The following TMEM71 variants were observed in gnomAD, a reference collection of about 807,000 sequenced individuals.
TMEM71 encodes transmembrane protein 71.
Under a neutral mutation model 38.0 loss-of-function variants are expected in TMEM71, and 44 were observed. The ratio of observed to expected loss-of-function variants is 1.16; its 90% CI spans 0.91 to 1.49. The LOEUF (loss-of-function observed/expected upper bound fraction) is 1.49, where lower values mean the gene tolerates loss of function less well. Among genes scored for constraint, TMEM71 ranks in the 40% most tolerant of loss-of-function variants. The pLI is 0.00. For synonymous variants in TMEM71, 133 were observed against 122.5 expected, an observed-to-expected ratio of 1.09 and a Z score of -0.56; for missense variants, 367 against 348.6, an observed-to-expected ratio of 1.05 and a Z score of -0.42.
chr8:132,726,851 C>CTTTTTTTTTT (rs766951516), intron 6 of TMEM71, among the ~76,000 whole-genome samples: 3 of 147,948 alleles, frequency 2.0e-5, no homozygotes, highest in African/African-American at 7.6e-5. Flanking sequence ...TCTTCTTCTT[C>CTTTTTTTTTT]TTCTTTTTTT....
At chr8:132,753,835 A>G (rs1828861729) in intron 3 of TMEM71, among the ~76,000 whole-genome samples, 1 of 152,148 alleles carries the variant, frequency 6.6e-6, no homozygotes, top group South Asian at 2.1e-4. Flanking sequence ...CTTAGCACCT[A>G]GTATGGGCTT....
chr8:132,740,722 G>A (rs922622914), intron 5 of TMEM71, among the ~76,000 whole-genome samples: 11 of 152,162 alleles, frequency 7.2e-5, no homozygotes, highest in Admixed American at 2.0e-4. Context: ...AGTTGAAGAC[G>A]CGACCAGCCA....
At chr8:132,746,782 A>T (rs546576363) in intron 5 of TMEM71, among the ~76,000 whole-genome samples, 160 bp downstream of exon 5, 1 of 152,158 alleles carries the variant, frequency 6.6e-6, no homozygotes, top group Non-Finnish European at 1.5e-5. Context: ...TTGATCACAC[A>T]TGTAATATAG....
chr8:132,751,885 A>C lies in TMEM71; in HGVS notation c.214T>G (p.Tyr72Asp), dbSNP rs77624303. Residue 72 changes from tyrosine to aspartate, a missense_variant, in exon 4 of 10, where the codon TAC (tyrosine) becomes GAC (aspartate). Physicochemically the swap from Tyr to Asp is radical, Grantham distance 160 (BLOSUM62 -3). Coordinates refer to ENST00000677595, the MANE Select transcript of TMEM71 (RefSeq NM_001382403.1). ...RRSPRLLTNG[Y>D]YIWTEDSFLC... is the part of the protein sequence containing the mutation. The stretch of plus-strand genomic sequence containing the variant: ...AAGCTGTCTTCAGTCCAAATATAGT[A>C]GCCATTGGTGAGGAGTCTGGGACTT... The C allele has an allele frequency of 1.2e-6, 2 of 1,614,022 alleles. No homozygotes were observed. The highest frequency in any genetic ancestry group is 1.7e-5 in the Admixed American group (1 of 60,010).
downstream of TMEM71, among the ~76,000 whole-genome samples, chr8:132,708,722 A>G (rs1431214307): frequency 1.3e-5 from 2 of 152,210 alleles, no homozygotes; most frequent in African/African-American, 4.8e-5. Flanking sequence ...TAAGGATTTT[A>G]AAATGGAAAG....
chr8:132,730,207 C>T (rs1827377565), intron 5 of TMEM71, among the ~76,000 whole-genome samples: 1 of 152,164 alleles, frequency 6.6e-6, no homozygotes, highest in Non-Finnish European at 1.5e-5. Context: ...ATCCACCCAC[C>T]TCGGCCTCCC....
the TMEM71 span, chr8:132,775,552 G>A: frequency 2.7e-6 from 1 of 365,980 alleles, no homozygotes; most frequent in Non-Finnish European, 4.9e-6. Flanking sequence ...CTGCCTGGGC[G>A]GAGGCAGAGG....
At chr8:132,763,605 A>C (rs2472230), upstream of TMEM71, among the ~76,000 whole-genome samples, 63,213 of 152,020 alleles carry the variant, frequency 0.42, 13,292 homozygotes, top group Non-Finnish European at 0.44. Context: ...AGAATCTTTT[A>C]AATGATACTC....
chr8:132,746,916 C>T, intron 5 of TMEM71, 26 bp downstream of exon 5: 1 of 1,533,398 alleles, frequency 6.5e-7, no homozygotes, highest in Non-Finnish European at 8.7e-7. Context: ...TAAAATTTTA[C>T]TATGGAAAGG....
chr8:132,711,776 G>A (rs1160469973), intron 9 of TMEM71, among the ~76,000 whole-genome samples: 6 of 152,114 alleles, frequency 3.9e-5, no homozygotes, highest in East Asian at 1.9e-4. Context: ...GATGTGAGCC[G>A]TGTGAGGTGC....
intron 5 of TMEM71, 21 bp from the exon 6 acceptor site, chr8:132,728,007 AGTGTGAGTGT>A: frequency 6.6e-7 from 1 of 1,524,862 alleles, no homozygotes; most frequent in Non-Finnish European, 8.8e-7. Flanking sequence ...AGAGGGGTTC[AGTGTGAGTGT>A]GTGTGTGTGT....
In TMEM71 at chr8:132,715,327, G is replaced by A. The variant is rs533714329; in HGVS notation, c.753-1112C>T. Among the ~76,000 whole-genome samples, 476 of 145,156 alleles carry A rather than the reference G, an allele frequency of 3.3e-3. 4 individuals are homozygous for A. The highest frequency in any genetic ancestry group is 0.012 in the African/African-American group (449 of 38,188). On this transcript the variant is annotated intron_variant, in intron 7 of 9. Transcript: ENST00000677595. Reference sequence around the variant, plus strand: ...TGGAAGGCTGAGGCAGGAGAATGGCGTGAACCCGGGAGGCGGAGCTTGCAG... The same window carrying A: ...TGGAAGGCTGAGGCAGGAGAATGGCATGAACCCGGGAGGCGGAGCTTGCAG...
At chr8:132,735,413 C>T (rs1480625668) in intron 5 of TMEM71, among the ~76,000 whole-genome samples, 3 of 152,190 alleles carry the variant, frequency 2.0e-5, no homozygotes, top group Non-Finnish European at 4.4e-5. Context: ...AGTCTTCTAA[C>T]TAGGCATTTC....
chr8:132,749,773 T>C (rs923910392), intron 4 of TMEM71, among the ~76,000 whole-genome samples: 5 of 152,136 alleles, frequency 3.3e-5, no homozygotes, highest in African/African-American at 1.2e-4. Flanking sequence ...CCCAGCACTT[T>C]GGGAGTTTGA....
chr8:132,775,592 G>A, the TMEM71 span: 1 of 348,722 alleles, frequency 2.9e-6, no homozygotes, highest in African/African-American at 2.1e-5. Context: ...CCCTGCTCGT[G>A]CCCCAGCTCG....
intron 5 of TMEM71, among the ~76,000 whole-genome samples, chr8:132,733,471 G>A (rs1172104622): frequency 6.6e-6 from 1 of 152,186 alleles, no homozygotes; most frequent in Non-Finnish European, 1.5e-5. Context: ...TAGCTGGTGG[G>A]CTGACTTCAC....
At chr8:132,751,034 C>T (rs1828680261) in intron 4 of TMEM71, among the ~76,000 whole-genome samples, 1 of 152,192 alleles carries the variant, frequency 6.6e-6, no homozygotes, top group Non-Finnish European at 1.5e-5. Context: ...CACATATTCA[C>T]ACACATCCAA....
chr8:132,741,967 C>T (rs568020180), intron 5 of TMEM71, among the ~76,000 whole-genome samples: 33 of 152,336 alleles, frequency 2.2e-4, no homozygotes, highest in South Asian at 1.0e-3. Context: ...TGGCAACGGG[C>T]GTCTTCCCAG....
chr8:132,748,603 A>G (rs1218297406), intron 4 of TMEM71, among the ~76,000 whole-genome samples: 1 of 152,252 alleles, frequency 6.6e-6, no homozygotes. Context: ...CAAATTTTAA[A>G]GATTCTTGTA....
Sources: gnomAD v4.1 joint callset for allele counts (sites outside exome capture counted in the v4.1 genomes callset) on GRCh38, gnomAD v4.1.1 for gene constraint, MANE v1.5 for transcripts, NCBI Gene and HGNC (gene_info 2026-07-23, HGNC 2026-07-21) for gene names.